R3HDM1: variants seen among roughly 807,000 people sequenced by gnomAD.
R3HDM1 encodes R3H domain containing 1.
In R3HDM1, 46 loss-of-function variants were observed where a neutral mutation model predicts 141.1. That is an observed-to-expected ratio of 0.33 (90% CI 0.26 to 0.42). R3HDM1 has a LOEUF of 0.42. R3HDM1 is among the 10% of genes least tolerant of loss of function. R3HDM1 has a pLI of 1.00. For missense variants in R3HDM1, 1,184 were observed against 1,368.3 expected, an observed-to-expected ratio of 0.87 and a Z score of 2.12; for synonymous variants, 435 against 472.9, an observed-to-expected ratio of 0.92 and a Z score of 1.04.
At chr2:135,626,207 GCGTGCTTGCT>G (rs200775995) in intron 7 of R3HDM1, among the ~76,000 whole-genome samples, 6,507 of 151,342 alleles carry the variant, frequency 0.043, 493 homozygotes, top group African/African-American at 0.15. Context: ...GTGCGTGCGT[GCGTGCTTGCT>G]TGCTTGCTTG....
intron 22 of R3HDM1, 57 bp downstream of exon 22, chr2:135,709,593 A>G: frequency 1.3e-6 from 2 of 1,591,856 alleles, no homozygotes; most frequent in Non-Finnish European, 1.7e-6. Flanking sequence ...TAGTTCGATT[A>G]CTTTCCTTAG....
At chr2:135,653,672 G>A (rs984923275) in intron 18 of R3HDM1, among the ~76,000 whole-genome samples, 5 of 152,040 alleles carry the variant, frequency 3.3e-5, no homozygotes, top group Non-Finnish European at 5.9e-5. Flanking sequence ...AATTACATGT[G>A]GTCAGAGAGC....
chr2:135,576,366 C>T (rs117832306), intron 1 of R3HDM1, among the ~76,000 whole-genome samples: 1 of 148,564 alleles, frequency 6.7e-6, no homozygotes, highest in Non-Finnish European at 1.5e-5. Flanking sequence ...GAGACCCTGT[C>T]GCAAAAAAAA....
chr2:135,567,596 A>G (rs1703097845), intron 1 of R3HDM1, among the ~76,000 whole-genome samples: 1 of 152,194 alleles, frequency 6.6e-6, no homozygotes, highest in Non-Finnish European at 1.5e-5. Flanking sequence ...TAAAAAAGTA[A>G]AGTAAAATTT....
At chr2:135,543,242 A>G in intron 1 of R3HDM1, 1 of 287,032 alleles carries the variant, frequency 3.5e-6, no homozygotes, top group Non-Finnish European at 5.2e-6. Flanking sequence ...TCCCCCATTG[A>G]ATTGTCTTGG....
At chr2:135,590,343 T>G (rs540677013) in intron 1 of R3HDM1, among the ~76,000 whole-genome samples, 2 of 152,074 alleles carry the variant, frequency 1.3e-5, no homozygotes, top group Admixed American at 6.6e-5. Flanking sequence ...GAGCAGAACA[T>G]TTTTTTATTC....
At chr2:135,562,426 C>A (rs1317329209) in intron 1 of R3HDM1, among the ~76,000 whole-genome samples, 1 of 152,192 alleles carries the variant, frequency 6.6e-6, no homozygotes, top group Non-Finnish European at 1.5e-5. Context: ...CTTATTCTGT[C>A]AATGCCAATT....
At chr2:135,590,745 A>G (rs1327682815) in intron 1 of R3HDM1, 1 of 984,894 alleles carries the variant, frequency 1.0e-6, no homozygotes, top group East Asian at 1.1e-4. Context: ...CAAGCTGTAA[A>G]ATTGTTTGCA....
chr2:135,678,628 A>G (rs1289623520), intron 20 of R3HDM1, among the ~76,000 whole-genome samples: 1 of 151,982 alleles, frequency 6.6e-6, no homozygotes. Flanking sequence ...TAATGAGATA[A>G]TACACATAAA....
chr2:135,582,589 A>C (rs1238667531), intron 1 of R3HDM1, among the ~76,000 whole-genome samples: 1 of 152,118 alleles, frequency 6.6e-6, no homozygotes, highest in Non-Finnish European at 1.5e-5. Context: ...GGGTGCAGGG[A>C]ATGGGGGAAG....
intron 1 of R3HDM1, among the ~76,000 whole-genome samples, chr2:135,585,935 G>C (rs766444713): frequency 2.6e-5 from 4 of 152,210 alleles, no homozygotes; most frequent in Non-Finnish European, 5.9e-5. Context: ...ACTGTCACAG[G>C]AAGTTAGCTA....
At chr2:135,595,057 C>A (rs747477797) in intron 1 of R3HDM1, among the ~76,000 whole-genome samples, 5 of 150,466 alleles carry the variant, frequency 3.3e-5, no homozygotes, top group Non-Finnish European at 7.4e-5. Context: ...TATAGTGATT[C>A]TCCACCAAAT....
intron 1 of R3HDM1, among the ~76,000 whole-genome samples, chr2:135,551,488 A>AC (rs1283800521): frequency 1.3e-5 from 2 of 151,696 alleles, no homozygotes; most frequent in Non-Finnish European, 3.0e-5. Flanking sequence ...ACAATAATGA[A>AC]AAAAAAACAG....
intron 21 of R3HDM1, among the ~76,000 whole-genome samples, chr2:135,688,795 G>A (rs1301551439): frequency 1.3e-5 from 2 of 152,078 alleles, no homozygotes; most frequent in African/African-American, 2.4e-5. Context: ...AATTAGCCAG[G>A]TGTGGTGGCG....
In R3HDM1 at chr2:135,635,882, T is replaced by C; in HGVS notation, c.699-8T>C. On this transcript the variant is annotated splice_region_variant and splice_polypyrimidine_tract_variant and intron_variant, in intron 9 of 26. Coordinates refer to ENST00000683871, the MANE Select transcript of R3HDM1 (RefSeq NM_001378107.1). ...CCTGTTCCTTTGTTTTTGTTTTTGT[T>C]TTTTAAGACCTGATCAGAAATTTAA... is the stretch of plus-strand genomic sequence containing the variant. 1.3e-6 allele frequency: 2 copies of C among 1,573,554 alleles called. No homozygotes were observed. The highest frequency in any genetic ancestry group is 1.7e-6 in the Non-Finnish European group (2 of 1,165,428).
rs548741067 is a variant in R3HDM1 at position 135,661,762 on chromosome 2, A to T, written c.2152+369A>T. On this transcript the variant is annotated intron_variant, in intron 19 of 26. Coordinates refer to ENST00000683871, the MANE Select transcript of R3HDM1 (RefSeq NM_001378107.1). ...AGGTGACTTATGAATGGCTAACCAG[A>T]AGCAAAGATCAAAACCACCTAACTT... Among the ~76,000 whole-genome samples the T allele has an allele frequency of 7.2e-5, 11 of 152,356 alleles. No individual in the cohort carries two copies. In the South Asian group the frequency reaches 2.3e-3, roughly 32 times the overall value.
At chr2:135,703,091 G>A (rs2074449367) in intron 21 of R3HDM1, among the ~76,000 whole-genome samples, 1 of 152,132 alleles carries the variant, frequency 6.6e-6, no homozygotes. Context: ...GGTGAATTGT[G>A]TTTATGATAC....
At chr2:135,533,477 A>G (rs1025111200) in intron 1 of R3HDM1, among the ~76,000 whole-genome samples, 7 of 152,244 alleles carry the variant, frequency 4.6e-5, no homozygotes, top group African/African-American at 9.6e-5. Flanking sequence ...GGAGTCTTCT[A>G]CATTTTCTTC....
At chr2:135,615,348 A>G (rs2060925087) in intron 3 of R3HDM1, among the ~76,000 whole-genome samples, 2 of 152,176 alleles carry the variant, frequency 1.3e-5, no homozygotes, top group African/African-American at 4.8e-5. Flanking sequence ...AGAAGTAAAA[A>G]TGATAGATAC....
Sources: gnomAD v4.1 joint callset for allele counts (sites outside exome capture counted in the v4.1 genomes callset) on GRCh38, gnomAD v4.1.1 for gene constraint, MANE v1.5 for transcripts, NCBI Gene and HGNC (gene_info 2026-07-23, HGNC 2026-07-21) for gene names.